HHAT: variants seen among roughly 807,000 people sequenced by gnomAD.
HHAT encodes hedgehog acyltransferase.
A neutral mutation model predicts 70.8 loss-of-function variants in HHAT; 47 were observed. The ratio of observed to expected loss-of-function variants is 0.66; its 90% CI spans 0.53 to 0.85. The LOEUF is 0.85. Among genes scored for constraint, HHAT ranks in the 40% least tolerant of loss-of-function variants. The pLI is 0.00. For missense variants in HHAT, 609 were observed against 604.8 expected, an observed-to-expected ratio of 1.01 and a Z score of -0.07; for synonymous variants, 228 against 247.6, an observed-to-expected ratio of 0.92 and a Z score of 0.74.
chr1:210,608,634 G>T lies in HHAT; in HGVS notation c.1246-14892G>T, dbSNP rs182376330. On this transcript the variant is annotated intron_variant, in intron 10 of 11. Coordinates refer to ENST00000261458, the MANE Select transcript of HHAT (RefSeq NM_018194.6). ...GAATTTTTTAGATGTGCATTTAATT[G>T]TAGTATGATTTGAGTAGAGTTAACA... Among the ~76,000 whole-genome samples the T allele has an allele frequency of 7.3e-3, 1,108 of 152,240 alleles. 6 individuals carry two copies. Among genetic ancestry groups the T allele is most frequent in the Non-Finnish European group, 8.3e-3 (565 of 68,016 alleles).
intron 9 of HHAT, among the ~76,000 whole-genome samples, chr1:210,524,300 C>G (rs1461865624): frequency 6.6e-6 from 1 of 152,182 alleles, no homozygotes; most frequent in South Asian, 2.1e-4. Flanking sequence ...TAAGCAAGCA[C>G]TGTCATTCCC....
At chr1:210,392,275 A>C (rs542385257) in intron 4 of HHAT, among the ~76,000 whole-genome samples, 68 of 152,254 alleles carry the variant, frequency 4.5e-4, no homozygotes, top group African/African-American at 1.6e-3. Context: ...TGTCCTCCCC[A>C]CGTCTCTGGG....
chr1:210,352,585 G>T (rs2087140936), intron 2 of HHAT, among the ~76,000 whole-genome samples: 1 of 152,102 alleles, frequency 6.6e-6, no homozygotes, highest in Non-Finnish European at 1.5e-5. Context: ...CATCTGCGTG[G>T]CTACTCTCCT....
chr1:210,399,959 A>G (rs1402202217), intron 4 of HHAT, among the ~76,000 whole-genome samples: 1 of 152,240 alleles, frequency 6.6e-6, no homozygotes, highest in Non-Finnish European at 1.5e-5. Flanking sequence ...AAAAAACCCT[A>G]CATATTTAAA....
At chr1:210,393,751 G>A (rs1344416852) in intron 4 of HHAT, among the ~76,000 whole-genome samples, 1 of 152,170 alleles carries the variant, frequency 6.6e-6, no homozygotes, top group African/African-American at 2.4e-5. Context: ...TGAGCACTGA[G>A]TCATCTCCCT....
chr1:210,451,605 G>A (rs917275346), intron 7 of HHAT, among the ~76,000 whole-genome samples: 2 of 152,000 alleles, frequency 1.3e-5, no homozygotes, highest in Non-Finnish European at 2.9e-5. Flanking sequence ...TAGAGACAGG[G>A]TTTCACCCTG....
intron 9 of HHAT, among the ~76,000 whole-genome samples, chr1:210,524,054 A>G (rs1253866189): frequency 1.3e-5 from 2 of 152,200 alleles, no homozygotes. Flanking sequence ...AAACTCATGG[A>G]AGCAAAAACA....
chr1:210,367,472 T>A (rs1240179382), intron 3 of HHAT, among the ~76,000 whole-genome samples: 2 of 152,034 alleles, frequency 1.3e-5, no homozygotes, highest in Non-Finnish European at 2.9e-5. Flanking sequence ...GCACAAAAAA[T>A]CACAAACTGC....
chr1:210,617,452 A>G (rs1272502794), intron 10 of HHAT, among the ~76,000 whole-genome samples: 2 of 152,216 alleles, frequency 1.3e-5, no homozygotes, highest in Non-Finnish European at 2.9e-5. Context: ...GGAAAACTTG[A>G]AGCAGAGATA....
At chr1:210,614,589 G>A (rs1390591564) in intron 10 of HHAT, among the ~76,000 whole-genome samples, 1 of 152,050 alleles carries the variant, frequency 6.6e-6, no homozygotes, top group Non-Finnish European at 1.5e-5. Context: ...AGGCCCTAGT[G>A]TGTGATGTTC....
intron 6 of HHAT, among the ~76,000 whole-genome samples, chr1:210,411,626 A>C (rs746226918): frequency 6.6e-6 from 1 of 152,102 alleles, no homozygotes; most frequent in Non-Finnish European, 1.5e-5. Context: ...GTGGTGGTAC[A>C]TGCCTGTAGT....
chr1:210,346,159 T>C (rs577683902), intron 1 of HHAT, among the ~76,000 whole-genome samples: 20 of 152,014 alleles, frequency 1.3e-4, no homozygotes, highest in Non-Finnish European at 2.4e-4. Flanking sequence ...TGCAGGAGGA[T>C]TGTCTCAGAT....
intron 7 of HHAT, among the ~76,000 whole-genome samples, chr1:210,425,525 A>G (rs751645918): frequency 4.6e-5 from 7 of 152,062 alleles, no homozygotes; most frequent in African/African-American, 1.4e-4. Flanking sequence ...TGTATGTGCT[A>G]TAAAGAAGGG....
At chr1:210,638,898 C>T (rs1672451619) in intron 11 of HHAT, among the ~76,000 whole-genome samples, 3 of 151,594 alleles carry the variant, frequency 2.0e-5, no homozygotes, top group Admixed American at 2.0e-4. Flanking sequence ...GAGTGAGACC[C>T]TCCCTCAAAA....
chr1:210,541,555 C>T (rs532866933), intron 9 of HHAT, among the ~76,000 whole-genome samples: 6 of 152,182 alleles, frequency 3.9e-5, no homozygotes, highest in South Asian at 4.1e-4. Flanking sequence ...GATGAAACCC[C>T]GTCTCTACTA....
intron 7 of HHAT, among the ~76,000 whole-genome samples, chr1:210,430,732 A>C (rs1468831236): frequency 6.6e-6 from 1 of 151,870 alleles, no homozygotes; most frequent in Non-Finnish European, 1.5e-5. Context: ...AGCCATTTGA[A>C]ATAATGCTTT....
intron 6 of HHAT, among the ~76,000 whole-genome samples, chr1:210,410,192 A>G (rs1441393283): frequency 5.3e-5 from 8 of 151,738 alleles, no homozygotes; most frequent in African/African-American, 1.2e-4. Context: ...AGCTGGGCCT[A>G]CAGGTGCCAG....
chr1:210,631,885 A>G (rs1477627875), intron 11 of HHAT, among the ~76,000 whole-genome samples: 30 of 152,238 alleles, frequency 2.0e-4, no homozygotes, highest in Admixed American at 2.0e-3. Flanking sequence ...AACAAATGGG[A>G]GTGAAGACTA....
At chr1:210,494,099 G>A (rs529073692) in intron 8 of HHAT, among the ~76,000 whole-genome samples, 4 of 152,296 alleles carry the variant, frequency 2.6e-5, no homozygotes, top group African/African-American at 9.6e-5. Flanking sequence ...TTGGCTTAAA[G>A]GCTAAATCTC....
Sources: allele counts gnomAD v4.1 joint callset (sites outside exome capture counted in the v4.1 genomes callset), GRCh38; gene constraint gnomAD v4.1.1; transcripts MANE v1.5; gene names NCBI Gene and HGNC (gene_info 2026-07-23, HGNC 2026-07-21).